The following IGSF21 variants were observed in gnomAD, a reference collection of about 807,000 sequenced individuals.
IGSF21 encodes immunoglobin superfamily member 21, also known as immunoglobulin superfamily member 21.
IGSF21 carries 28 observed loss-of-function variants against 46.8 expected under a neutral mutation model. The ratio of observed to expected loss-of-function variants is 0.60; its 90% CI spans 0.44 to 0.82. The LOEUF (loss-of-function observed/expected upper bound fraction) is 0.82, where lower values mean the gene tolerates loss of function less well. Ranked by LOEUF, IGSF21 falls within the 40% of genes least tolerant of loss-of-function variation. IGSF21 has a pLI of 0.00. For missense variants in IGSF21, 624 were observed against 665.5 expected (o/e 0.94, Z 0.69); for synonymous variants, 284 against 273.6 (o/e 1.04, Z -0.38).
At chr1:18,320,647 C>T (rs1333501244) in intron 3 of IGSF21, among the ~76,000 whole-genome samples, 1 of 152,202 alleles carries the variant, frequency 6.6e-6, no homozygotes, top group East Asian at 1.9e-4. Context: ...TCTGAAGCTG[C>T]CCCTGGTCCA....
chr1:18,295,612 C>T (rs1450553978), intron 3 of IGSF21, among the ~76,000 whole-genome samples: 1 of 152,112 alleles, frequency 6.6e-6, no homozygotes, highest in Non-Finnish European at 1.5e-5. Flanking sequence ...GAACTGAGGG[C>T]AGGAAGGAGC....
intron 4 of IGSF21, among the ~76,000 whole-genome samples, chr1:18,341,085 C>CTT (rs2085835065): frequency 8.3e-6 from 1 of 120,918 alleles, no homozygotes; most frequent in African/African-American, 3.0e-5. Context: ...TTCTCCTCCT[C>CTT]CTCCTCCTCC....
At chr1:18,247,067 T>C (rs2084792151) in intron 2 of IGSF21, among the ~76,000 whole-genome samples, 1 of 148,254 alleles carries the variant, frequency 6.7e-6, no homozygotes, top group Admixed American at 6.6e-5. Flanking sequence ...TTTTTTTTTT[T>C]TGAGACAGAG....
intron 2 of IGSF21, among the ~76,000 whole-genome samples, chr1:18,235,023 T>C (rs952700408): frequency 5.3e-5 from 8 of 152,312 alleles, no homozygotes; most frequent in Non-Finnish European, 8.8e-5. Context: ...GGAAGTTCTA[T>C]TGGAAACCGG....
intron 1 of IGSF21, among the ~76,000 whole-genome samples, chr1:18,215,917 C>A (rs1050507700): frequency 4.6e-5 from 7 of 152,260 alleles, no homozygotes; most frequent in African/African-American, 1.4e-4. Flanking sequence ...TTGGTTCATT[C>A]ATTACTTTAT....
intron 4 of IGSF21, among the ~76,000 whole-genome samples, chr1:18,348,290 T>C (rs1474281418): frequency 6.6e-6 from 1 of 152,214 alleles, no homozygotes; most frequent in Admixed American, 6.5e-5. Context: ...CATCTGCTTC[T>C]GGAATTATCT....
rs560598407 is a variant in IGSF21, at chr1:18,133,662, C to T, written c.70+25464C>T. On this transcript the variant is annotated intron_variant, in intron 1 of 9. Coordinates refer to ENST00000251296, the MANE Select transcript of IGSF21 (RefSeq NM_032880.5). ...CCTACCAACAGTCTGCCCCATGGCACGGAGCTCAGAATACAAAGTAACCAC... is the reference window on the plus strand; with the variant it reads ...CCTACCAACAGTCTGCCCCATGGCATGGAGCTCAGAATACAAAGTAACCAC... 6.6e-5 allele frequency among the ~76,000 whole-genome samples: 10 copies of T among 152,364 alleles called. No homozygotes were observed. The South Asian group carries it at 1.7e-3, about 25-fold the overall frequency.
At chr1:18,187,588 A>T (rs2086916074) in intron 1 of IGSF21, among the ~76,000 whole-genome samples, 1 of 152,234 alleles carries the variant, frequency 6.6e-6, no homozygotes, top group Admixed American at 6.5e-5. Context: ...CGATCCAATT[A>T]TCTCCCACTG....
intron 4 of IGSF21, among the ~76,000 whole-genome samples, chr1:18,339,214 C>T (rs2085803073): frequency 6.6e-6 from 1 of 152,204 alleles, no homozygotes; most frequent in African/African-American, 2.4e-5. Flanking sequence ...TTAAGGGGTA[C>T]ATCCACGTGA....
chr1:18,187,419 A>G (rs1163239095), intron 1 of IGSF21, among the ~76,000 whole-genome samples: 1 of 152,186 alleles, frequency 6.6e-6, no homozygotes, highest in African/African-American at 2.4e-5. Flanking sequence ...GTGGCTGGGG[A>G]GGCCTCATAA....
At chr1:18,301,403 G>T (rs778730169) in intron 3 of IGSF21, among the ~76,000 whole-genome samples, 1 of 152,152 alleles carries the variant, frequency 6.6e-6, no homozygotes, top group Non-Finnish European at 1.5e-5. Flanking sequence ...GCACTGGCAC[G>T]ATCTCAGCTC....
chr1:18,192,021 C>T (rs113802301), intron 1 of IGSF21, among the ~76,000 whole-genome samples: 5,145 of 152,206 alleles, frequency 0.034, 278 homozygotes, highest in African/African-American at 0.11. Flanking sequence ...AGGGCTGCCA[C>T]GCTCTGTCAT....
intron 1 of IGSF21, among the ~76,000 whole-genome samples, chr1:18,148,005 C>G (rs1291820482): frequency 6.6e-6 from 1 of 152,108 alleles, no homozygotes; most frequent in Non-Finnish European, 1.5e-5. Flanking sequence ...TGCCTGCCGC[C>G]ATGTAAGACA....
intron 1 of IGSF21, among the ~76,000 whole-genome samples, chr1:18,174,293 A>C (rs2086773047): frequency 6.6e-6 from 1 of 152,128 alleles, no homozygotes. Context: ...AAGGAATTCC[A>C]TGTGTTCCCC....
At position 18,334,885 on chromosome 1, in the gene IGSF21, C is replaced by A; in HGVS notation, c.306-7C>A. 1 of 1,610,596 alleles carries A rather than the reference C, an allele frequency of 6.2e-7. No homozygotes were observed. The highest frequency in any genetic ancestry group is 8.5e-7 in the Non-Finnish European group (1 of 1,176,946). ...AGGGCCCTCACCCTGTCTTCTGCCT[C>A]CCCCAGGCTGCCCGAGGTCCGGATC... is the stretch of plus-strand genomic sequence containing the variant. On this transcript the variant is annotated splice_region_variant and splice_polypyrimidine_tract_variant and intron_variant, in intron 3 of 9. Coordinates refer to ENST00000251296, the MANE Select transcript of IGSF21 (RefSeq NM_032880.5). This position sits in a 1 kb window ranked among gnomAD's most constrained non-coding sequence, Gnocchi z 4.3.
intron 4 of IGSF21, among the ~76,000 whole-genome samples, chr1:18,352,563 T>G (rs1027472756): frequency 6.6e-6 from 1 of 152,110 alleles, no homozygotes; most frequent in African/African-American, 2.4e-5. Flanking sequence ...ATAATACAAA[T>G]CTAGATCCAA....
intron 2 of IGSF21, among the ~76,000 whole-genome samples, chr1:18,252,083 C>T (rs2084848343): frequency 8.0e-6 from 1 of 125,644 alleles, no homozygotes; most frequent in Admixed American, 9.7e-5. Context: ...TGGAGTCTCC[C>T]TCTGTCACCC....
chr1:18,255,298 G>T (rs925679277), intron 2 of IGSF21, among the ~76,000 whole-genome samples: 7 of 152,160 alleles, frequency 4.6e-5, no homozygotes, highest in Non-Finnish European at 7.4e-5. Context: ...TGATGCCCCT[G>T]CTGGGCTTGT....
At chr1:18,363,641 G>T (rs559989565) in intron 5 of IGSF21, among the ~76,000 whole-genome samples, 3 of 150,390 alleles carry the variant, frequency 2.0e-5, no homozygotes, top group Admixed American at 6.6e-5. Flanking sequence ...GGACAGAGGT[G>T]CAGAGGCACA....
Sources: gnomAD v4.1 joint callset for allele counts (sites outside exome capture counted in the v4.1 genomes callset) on GRCh38, gnomAD v4.1.1 for gene constraint, Gnocchi (gnomAD v3.1) non-coding constraint, MANE v1.5 for transcripts, NCBI Gene and HGNC (gene_info 2026-07-23, HGNC 2026-07-21) for gene names.